Variants in INPP5A observed in about 807,000 individuals in gnomAD.
The protein encoded by INPP5A is 43 kDa inositol polyphosphate 5-phophatase.
Under a neutral mutation model 65.2 loss-of-function variants are expected in INPP5A, and 14 were observed. That is an observed-to-expected ratio of 0.21 (90% CI 0.14 to 0.34). The LOEUF (loss-of-function observed/expected upper bound fraction) is 0.34. Ranked by LOEUF, INPP5A falls within the 10% of genes least tolerant of loss-of-function variation. The pLI, the probability that INPP5A is intolerant of heterozygous loss-of-function variation, is 1.00. For synonymous variants in INPP5A, 207 were observed against 208.3 expected (o/e 0.99, Z 0.05); for missense variants, 431 against 545.6 (o/e 0.79, Z 2.09).
chr10:132,703,409 A>T (rs2134511720), intron 6 of INPP5A, among the ~76,000 whole-genome samples: 1 of 151,282 alleles, frequency 6.6e-6, no homozygotes, highest in East Asian at 2.0e-4. Flanking sequence ...TTCACACACA[A>T]GCGGCTTCAC....
At chr10:132,668,400 A>G (rs1309947304) in intron 4 of INPP5A, among the ~76,000 whole-genome samples, 1 of 152,220 alleles carries the variant, frequency 6.6e-6, no homozygotes, top group Non-Finnish European at 1.5e-5. Context: ...GAAGCAGAAC[A>G]TGAGTTTCTC....
At chr10:132,689,016 C>T (rs910638488) in intron 4 of INPP5A, among the ~76,000 whole-genome samples, 3 of 151,624 alleles carry the variant, frequency 2.0e-5, no homozygotes, top group African/African-American at 7.3e-5. Flanking sequence ...AGTGCTTGTG[C>T]GTGAGTGCAT....
chr10:132,777,743 C>T lies in INPP5A; in HGVS notation c.1050C>T (p.Arg350=). 6.2e-7 allele frequency: 1 copy of T among 1,613,126 alleles called. No homozygotes were observed. The highest frequency in any genetic ancestry group is 8.5e-7 in the Non-Finnish European group (1 of 1,179,996). The stretch of plus-strand genomic sequence containing the variant: ...CCCGGTGCCCAGCCTGGTGTGACCG[C>T]ATCCTCATGTCCCCGTCTGCCAAGG... ...MNTRCPAWCD[R]ILMSPSAKEL... The change falls in exon 13 of 16, where the codon CGC becomes CGT. Residue 350 remains arginine, a synonymous_variant. Coordinates refer to ENST00000368594, the MANE Select transcript of INPP5A (RefSeq NM_005539.5).
At chr10:132,653,166 A>G (rs1038506058) in intron 4 of INPP5A, among the ~76,000 whole-genome samples, 2 of 152,126 alleles carry the variant, frequency 1.3e-5, no homozygotes, top group African/African-American at 4.8e-5. Flanking sequence ...CGAGGCACAC[A>G]TGGGCTGGCG....
chr10:132,764,422 GT>G (rs1846793294), intron 11 of INPP5A, among the ~76,000 whole-genome samples: 1 of 151,684 alleles, frequency 6.6e-6, no homozygotes, highest in African/African-American at 2.4e-5. Context: ...ACACGGTCGG[GT>G]CAGTCCTGCT....
intron 1 of INPP5A, among the ~76,000 whole-genome samples, chr10:132,559,117 T>A (rs745953442): frequency 1.3e-5 from 2 of 152,212 alleles, no homozygotes; most frequent in Non-Finnish European, 2.9e-5. Context: ...ACTCACTGCC[T>A]CATGGTCCTT....
intron 1 of INPP5A, among the ~76,000 whole-genome samples, chr10:132,562,948 T>A (rs531641586): frequency 6.6e-6 from 1 of 152,162 alleles, no homozygotes; most frequent in Non-Finnish European, 1.5e-5. Context: ...CCCTGTATGC[T>A]CTTCCCTGGC....
chr10:132,774,050 C>T (rs557422676), intron 12 of INPP5A, among the ~76,000 whole-genome samples: 12 of 152,376 alleles, frequency 7.9e-5, no homozygotes, highest in Admixed American at 2.0e-4. Flanking sequence ...GCGTGAGCCC[C>T]CATGCCCAGC....
At chr10:132,715,981 C>T (rs1564979345) in intron 8 of INPP5A, among the ~76,000 whole-genome samples, 2 of 152,272 alleles carry the variant, frequency 1.3e-5, no homozygotes. Context: ...GCCTCTGTGT[C>T]GCCTTAGCCT....
chr10:132,635,259 T>C (rs1293190516), intron 2 of INPP5A, among the ~76,000 whole-genome samples: 3 of 152,168 alleles, frequency 2.0e-5, no homozygotes, highest in Non-Finnish European at 2.9e-5. Context: ...GGTCTGCCAT[T>C]TTTTATTTTT....
chr10:132,610,556 G>A (rs113640401), intron 2 of INPP5A, among the ~76,000 whole-genome samples: 12 of 152,370 alleles, frequency 7.9e-5, no homozygotes, highest in South Asian at 2.1e-4. Flanking sequence ...GGACGTTGGC[G>A]TGTGGCCCCA....
At chr10:132,724,853 GTTAC>G (rs1845957630) in intron 8 of INPP5A, among the ~76,000 whole-genome samples, 1 of 151,016 alleles carries the variant, frequency 6.6e-6, no homozygotes. Context: ...ACAGACAGGG[GTTAC>G]TCACTCTCCA....
intron 1 of INPP5A, among the ~76,000 whole-genome samples, chr10:132,605,261 G>A (rs1389976113): frequency 7.7e-6 from 1 of 130,676 alleles, no homozygotes; most frequent in Non-Finnish European, 1.7e-5. Flanking sequence ...GAGGGAGTGG[G>A]GGAGGGGCTG....
intron 12 of INPP5A, among the ~76,000 whole-genome samples, chr10:132,776,462 G>A (rs1013035641): frequency 2.6e-5 from 4 of 152,212 alleles, no homozygotes; most frequent in Non-Finnish European, 2.9e-5. Context: ...CTGAGGTGCC[G>A]GGATGGACCC....
At chr10:132,742,744 G>A (rs138980118) in intron 9 of INPP5A, among the ~76,000 whole-genome samples, 147 of 152,318 alleles carry the variant, frequency 9.7e-4, no homozygotes, top group African/African-American at 3.4e-3. Context: ...GGAATCCCTG[G>A]TGAACCGGGG....
At chr10:132,711,995 T>C (rs748656843) in intron 8 of INPP5A, among the ~76,000 whole-genome samples, 41 of 152,294 alleles carry the variant, frequency 2.7e-4, no homozygotes, top group Non-Finnish European at 3.5e-4. Context: ...ATGTGTGGTA[T>C]GTGACCAGCG....
rs913075947 is a variant in INPP5A, at chr10:132,650,287, G to T, written c.219-131G>T. On this transcript the variant is annotated intron_variant, in intron 3 of 15. Coordinates refer to ENST00000368594, the MANE Select transcript of INPP5A (RefSeq NM_005539.5). This position sits in a 1 kb window ranked among gnomAD's most constrained non-coding sequence, Gnocchi z 5.5. ...TGGCTGCCGCCATTCCCTGCCCTCT[G>T]CCTGTCACGGGTGGATGGTCTCACG... 5 of 669,394 alleles carry T rather than the reference G, an allele frequency of 7.5e-6. No individual in the cohort carries two copies. The highest frequency in any genetic ancestry group is 1.8e-5 in the African/African-American group (1 of 56,026). 41.5% of individuals were successfully genotyped at this position (669,394 alleles called of 1,614,324 possible). A position where few individuals can be genotyped will look rare whatever the true frequency, so the allele number is the denominator to read the frequency against.
chr10:132,687,195 C>T (rs556887134), intron 4 of INPP5A, among the ~76,000 whole-genome samples: 8 of 152,348 alleles, frequency 5.3e-5, no homozygotes, highest in Non-Finnish European at 7.3e-5. Flanking sequence ...TCCGCTGCCT[C>T]GCCCCCACAA....
intron 9 of INPP5A, among the ~76,000 whole-genome samples, chr10:132,745,001 C>T (rs1278805405): frequency 6.6e-6 from 1 of 152,208 alleles, no homozygotes; most frequent in Non-Finnish European, 1.5e-5. Flanking sequence ...CCCGCCTCTC[C>T]CGTGGCACAG....
Sources: allele counts gnomAD v4.1 joint callset (sites outside exome capture counted in the v4.1 genomes callset), GRCh38; gene constraint gnomAD v4.1.1; non-coding constraint Gnocchi (gnomAD v3.1); transcripts MANE v1.5; gene names NCBI Gene and HGNC (gene_info 2026-07-23, HGNC 2026-07-21).